GRAMD1B: variants seen among roughly 807,000 people sequenced by gnomAD.
GRAMD1B encodes GRAM domain containing 1B.
A neutral mutation model predicts 99.7 loss-of-function variants in GRAMD1B; 37 were observed. The ratio of observed to expected loss-of-function variants is 0.37; its 90% CI spans 0.29 to 0.49. The LOEUF (loss-of-function observed/expected upper bound fraction) is 0.49, where lower values mean the gene tolerates loss of function less well. Among genes scored for constraint, GRAMD1B ranks in the 20% least tolerant of loss-of-function variants. The pLI is 0.98. For missense variants in GRAMD1B, 888 were observed against 1,009.2 expected (o/e 0.88, Z 1.63); for synonymous variants, 427 against 387.6 (o/e 1.10, Z -1.19).
Position 123,613,460 on chromosome 11 carries a change from G to A in GRAMD1B, c.2029G>A (p.Glu677Lys), listed in dbSNP as rs374304588. The change falls in exon 16 of 20, where the codon GAG (glutamate) becomes AAG (lysine). Residue 677 changes from glutamate to lysine, a missense_variant. By Grantham distance (56) the Glu-to-Lys change is moderately conservative. Coordinates refer to ENST00000635736, the MANE Select transcript of GRAMD1B (RefSeq NM_001387025.1). ...LEDYFRHLES[E>K]LAKTESTYLA... ...GGTCCTTTTGTCTCTGATAGAGAGC[G>A]AGCTGGCCAAAACGGAGAGCACTTA... The A allele has an allele frequency of 2.1e-5, 33 of 1,608,518 alleles. No homozygotes were observed. The highest frequency in any genetic ancestry group is 2.8e-5 in the Non-Finnish European group (33 of 1,177,306).
chr11:123,618,758 C>A lies in GRAMD1B; in HGVS notation c.2384C>A (p.Thr795Lys). 1 of 1,583,218 alleles carries A rather than the reference C, an allele frequency of 6.3e-7. No individual in the cohort carries two copies. The highest frequency in any genetic ancestry group is 8.6e-7 in the Non-Finnish European group (1 of 1,163,088). Residue 795 changes from threonine (T) to lysine (K), a missense_variant, in exon 18 of 20, where the codon ACG becomes AAG. Physicochemically the swap from Thr to Lys is moderately conservative, Grantham distance 78. This residue lies in a region of GRAMD1B where 232 missense variants were observed against 261.7 expected (regional missense o/e 0.89). Coordinates refer to ENST00000635736, the MANE Select transcript of GRAMD1B (RefSeq NM_001387025.1). The part of the protein sequence containing the change: ...FYKLWMLEYT[T>K]QTLTAWQGLR... Reference sequence around the variant, plus strand: ...AAACTCTGGATGTTGGAATACACCACGCAGACCCTCACTGCCTGGCAGGGT... The same window carrying A: ...AAACTCTGGATGTTGGAATACACCAAGCAGACCCTCACTGCCTGGCAGGGT...
Position 123,462,258 on chromosome 11 carries a change from T to C in GRAMD1B, c.375-18558T>C, listed in dbSNP as rs554058501. On this transcript the variant is annotated intron_variant, in intron 1 of 19. Coordinates refer to ENST00000635736, the MANE Select transcript of GRAMD1B (RefSeq NM_001387025.1). ...CTGGGATTACAGGTGTGAGCCACCGTGCCGGGCCAGTCATTTGTTTATTTC... is the reference window on the plus strand; with the variant it reads ...CTGGGATTACAGGTGTGAGCCACCGCGCCGGGCCAGTCATTTGTTTATTTC... Among the ~76,000 whole-genome samples the C allele has an allele frequency of 1.8e-4, 28 of 152,188 alleles. No homozygotes were observed. In the South Asian group the frequency reaches 4.4e-3, roughly 24 times the overall value.
At chr11:123,438,067 T>C (rs1192010943) in intron 1 of GRAMD1B, among the ~76,000 whole-genome samples, 1 of 152,226 alleles carries the variant, frequency 6.6e-6, no homozygotes. Context: ...CGGTGCTGGA[T>C]AGGGTTAACT....
At chr11:123,377,552 A>G (rs1251091594) in intron 1 of GRAMD1B, among the ~76,000 whole-genome samples, 1 of 152,188 alleles carries the variant, frequency 6.6e-6, no homozygotes, top group Admixed American at 6.5e-5. Context: ...TGAATATCAA[A>G]AGCAGCAGAT....
chr11:123,483,729 T>C (rs1471889860), intron 2 of GRAMD1B, among the ~76,000 whole-genome samples: 1 of 152,154 alleles, frequency 6.6e-6, no homozygotes, highest in Non-Finnish European at 1.5e-5. Flanking sequence ...AAACCGCAGA[T>C]AAGGGGGGAC....
At chr11:123,487,264 T>G (rs185603644) in intron 2 of GRAMD1B, among the ~76,000 whole-genome samples, 465 of 151,494 alleles carry the variant, frequency 3.1e-3, no homozygotes, top group African/African-American at 0.011. Context: ...TACTCTGGGG[T>G]GAGGGCAGGG....
intron 7 of GRAMD1B, chr11:123,598,342 C>T: frequency 8.5e-7 from 1 of 1,176,634 alleles, no homozygotes; most frequent in East Asian, 2.3e-5. Context: ...TTCTCTTCAT[C>T]TTCACTCTAA....
rs1318330456 is a variant in GRAMD1B at position 123,610,308 on chromosome 11, C to T, written c.1889C>T (p.Thr630Ile). Residue 630 changes from threonine to isoleucine, a missense_variant, in exon 14 of 20, where the codon ACC becomes ATC. Transcript: ENST00000635736. The surrounding 1 kb of genome is among the most constrained non-coding windows in gnomAD (Gnocchi z 4.1). The stretch of plus-strand genomic sequence containing the variant: ...TACACAATCAATCGCTACACGCTCA[C>T]CCGTGTGGCTCGGAACAAGAGCCGA... ...YFYTINRYTL[T>I]RVARNKSRLR... is the part of the protein sequence containing the mutation. The T allele has an allele frequency of 1.9e-6, 3 of 1,613,828 alleles. No individual in the cohort carries two copies. The highest frequency in any genetic ancestry group is 1.3e-5 in the African/African-American group (1 of 74,924).
At chr11:123,517,936 C>T (rs1591790755) in intron 2 of GRAMD1B, among the ~76,000 whole-genome samples, 1 of 152,154 alleles carries the variant, frequency 6.6e-6, no homozygotes, top group Non-Finnish European at 1.5e-5. Flanking sequence ...AGTTTATAAG[C>T]ACCCTCCTGG....
chr11:123,501,517 A>G (rs1939856658), intron 2 of GRAMD1B, among the ~76,000 whole-genome samples: 1 of 152,128 alleles, frequency 6.6e-6, no homozygotes, highest in Non-Finnish European at 1.5e-5. Context: ...CCTCCAGCAA[A>G]GAAACATGAT....
intron 1 of GRAMD1B, among the ~76,000 whole-genome samples, chr11:123,479,383 G>A (rs1054673576): frequency 6.6e-6 from 1 of 152,152 alleles, no homozygotes; most frequent in Non-Finnish European, 1.5e-5. Flanking sequence ...GCACTTGCTC[G>A]GCAAGATTGT....
At chr11:123,504,405 A>C (rs1018508664) in intron 2 of GRAMD1B, among the ~76,000 whole-genome samples, 11 of 152,096 alleles carry the variant, frequency 7.2e-5, no homozygotes, top group Admixed American at 6.5e-4. Flanking sequence ...AGGCTTAGCT[A>C]TTTCCTTTTC....
At chr11:123,368,679 C>CAAAAAAAAAAAAAAAAAA (rs58877377) in intron 1 of GRAMD1B, among the ~76,000 whole-genome samples, 1 of 78,062 alleles carries the variant, frequency 1.3e-5, no homozygotes, top group African/African-American at 5.4e-5. Context: ...GACTCTGTCT[C>CAAAAAAAAAAAAAAAAAA]AAAAAAAAAA....
chr11:123,444,159 T>C (rs551715020), intron 1 of GRAMD1B, among the ~76,000 whole-genome samples: 2 of 152,300 alleles, frequency 1.3e-5, no homozygotes, highest in African/African-American at 2.4e-5. Flanking sequence ...AGAGATTCTT[T>C]ACAGATGCAA....
At chr11:123,558,839 T>A (rs1374010386) in intron 2 of GRAMD1B, among the ~76,000 whole-genome samples, 1 of 152,228 alleles carries the variant, frequency 6.6e-6, no homozygotes, top group Non-Finnish European at 1.5e-5. Context: ...ATCAACGGGC[T>A]GCAGACAGAA....
rs940266659 is a variant in GRAMD1B at position 123,491,052 on chromosome 11, G to T, written c.452+10159G>T. Among the ~76,000 whole-genome samples the T allele has an allele frequency of 3.3e-5, 5 of 152,180 alleles. No individual in the cohort carries two copies. In the East Asian group the frequency reaches 5.8e-4, roughly 18 times the overall value. ...CCAAGTACCTTAAAAGACATTTGTG[G>T]CTGGGTGCAGTGGCTCACGCCTGTA... On this transcript the variant is annotated intron_variant, in intron 2 of 19. Coordinates refer to ENST00000635736, the MANE Select transcript of GRAMD1B (RefSeq NM_001387025.1).
intron 1 of GRAMD1B, among the ~76,000 whole-genome samples, chr11:123,478,175 C>T (rs1951397437): frequency 6.6e-6 from 1 of 152,050 alleles, no homozygotes; most frequent in Non-Finnish European, 1.5e-5. Flanking sequence ...ACCATCATGC[C>T]TGGCTAATTT....
At chr11:123,427,519 T>C (rs1162616759), upstream of GRAMD1B, among the ~76,000 whole-genome samples, 1 of 152,228 alleles carries the variant, frequency 6.6e-6, no homozygotes, top group Non-Finnish European at 1.5e-5. Context: ...AAGGAGCTTA[T>C]AGTCTTAACA....
intron 2 of GRAMD1B, among the ~76,000 whole-genome samples, chr11:123,511,214 G>A (rs1284528729): frequency 2.0e-5 from 3 of 152,150 alleles, no homozygotes; most frequent in Non-Finnish European, 2.9e-5. Context: ...TGGGGTTGGT[G>A]CGGGCTGGAC....
Sources: gnomAD v4.1 joint callset for allele counts (sites outside exome capture counted in the v4.1 genomes callset) on GRCh38, gnomAD v4.1.1 for gene constraint, gnomAD v4.1.1 regional missense constraint, Gnocchi (gnomAD v3.1) non-coding constraint, MANE v1.5 for transcripts, NCBI Gene and HGNC (gene_info 2026-07-23, HGNC 2026-07-21) for gene names.